PALLD: variants seen among roughly 807,000 people sequenced by gnomAD.
PALLD encodes palladin, cytoskeletal associated protein, also known as palladin.
PALLD carries 61 observed loss-of-function variants against 123.5 expected under a neutral mutation model. The ratio of observed to expected loss-of-function variants is 0.49; its 90% CI spans 0.40 to 0.61. The LOEUF (loss-of-function observed/expected upper bound fraction) is 0.61. Ranked by LOEUF, PALLD falls within the 20% of genes least tolerant of loss-of-function variation. The pLI is 0.00. For synonymous variants in PALLD, 465 were observed against 496.4 expected, an observed-to-expected ratio of 0.94 and a Z score of 0.84; for missense variants, 1,273 against 1,377.0, an observed-to-expected ratio of 0.92 and a Z score of 1.20.
intron 2 of PALLD, among the ~76,000 whole-genome samples, chr4:168,656,502 C>T (rs1486729593): frequency 6.6e-6 from 1 of 152,124 alleles, no homozygotes; most frequent in Non-Finnish European, 1.5e-5. Context: ...GAATGAGTCA[C>T]ATTTGCAAAA....
At chr4:168,877,036 T>C (rs1339687938) in intron 10 of PALLD, among the ~76,000 whole-genome samples, 1 of 152,272 alleles carries the variant, frequency 6.6e-6, no homozygotes, top group Non-Finnish European at 1.5e-5. Context: ...CTATTGTTTA[T>C]TGAACACCTA....
At chr4:168,529,333 T>C (rs1034453876) in intron 2 of PALLD, among the ~76,000 whole-genome samples, 8 of 150,466 alleles carry the variant, frequency 5.3e-5, no homozygotes, top group Non-Finnish European at 1.2e-4. Flanking sequence ...CCAAACTCTG[T>C]CTCGAGAAAA....
At chr4:168,539,417 A>G (rs1382553785) in intron 2 of PALLD, among the ~76,000 whole-genome samples, 2 of 152,008 alleles carry the variant, frequency 1.3e-5, no homozygotes. Context: ...GAGAAACCCC[A>G]TTTCTACTAA....
At chr4:168,758,212 A>G (rs1019900939) in intron 10 of PALLD, among the ~76,000 whole-genome samples, 1 of 151,712 alleles carries the variant, frequency 6.6e-6, no homozygotes, top group African/African-American at 2.4e-5. Context: ...TTTTTTTTTA[A>G]TGTTTAAAAC....
chr4:168,742,045 G>A (rs1365813889), intron 10 of PALLD, among the ~76,000 whole-genome samples: 1 of 152,184 alleles, frequency 6.6e-6, no homozygotes, highest in Non-Finnish European at 1.5e-5. Context: ...GCAAAAGCTG[G>A]CAGATCCACC....
chr4:168,528,426 AT>A (rs906112220), intron 2 of PALLD, among the ~76,000 whole-genome samples: 1 of 152,260 alleles, frequency 6.6e-6, no homozygotes, highest in African/African-American at 2.4e-5. Context: ...TGTAAGTGGA[AT>A]TTTCTCATTC....
intron 10 of PALLD, among the ~76,000 whole-genome samples, chr4:168,831,177 G>C (rs1047898710): frequency 1.3e-5 from 2 of 152,246 alleles, no homozygotes; most frequent in Non-Finnish European, 2.9e-5. Flanking sequence ...TGAAAGAAAA[G>C]TTGGTGATCT....
intron 8 of PALLD, among the ~76,000 whole-genome samples, chr4:168,692,221 A>C (rs1225231249): frequency 6.6e-6 from 1 of 152,182 alleles, no homozygotes; most frequent in Non-Finnish European, 1.5e-5. Flanking sequence ...TACTGCAGTC[A>C]GTCCCTGAAC....
At chr4:168,644,369 G>A (rs959952545) in intron 2 of PALLD, among the ~76,000 whole-genome samples, 6 of 152,144 alleles carry the variant, frequency 3.9e-5, no homozygotes, top group Admixed American at 2.0e-4. Context: ...GATTACAGGC[G>A]TGAGCCACTG....
intron 10 of PALLD, among the ~76,000 whole-genome samples, chr4:168,831,005 A>G (rs368644094): frequency 6.6e-5 from 10 of 152,354 alleles, no homozygotes; most frequent in African/African-American, 2.4e-4. Flanking sequence ...TCATTCATGC[A>G]TTCATTTTGT....
intron 10 of PALLD, among the ~76,000 whole-genome samples, chr4:168,816,131 A>T (rs1741879350): frequency 6.6e-6 from 1 of 152,168 alleles, no homozygotes; most frequent in Admixed American, 6.5e-5. Context: ...ATATGTAAGG[A>T]AACACTGCTC....
At chr4:168,534,588 G>A (rs1176258266) in intron 2 of PALLD, among the ~76,000 whole-genome samples, 1 of 152,138 alleles carries the variant, frequency 6.6e-6, no homozygotes, top group Non-Finnish European at 1.5e-5. Context: ...TATAATAGGG[G>A]AAGTGGTTCC....
At chr4:168,541,815 T>C (rs1211803611) in intron 2 of PALLD, among the ~76,000 whole-genome samples, 1 of 152,136 alleles carries the variant, frequency 6.6e-6, no homozygotes, top group Non-Finnish European at 1.5e-5. Context: ...GATTGCCCAA[T>C]TATATGTTGC....
chr4:168,609,458 T>C (rs1372423302), intron 2 of PALLD, among the ~76,000 whole-genome samples: 1 of 150,056 alleles, frequency 6.7e-6, no homozygotes, highest in Non-Finnish European at 1.5e-5. Context: ...AACCAACAGA[T>C]GAAAGAAAGG....
In PALLD at chr4:168,894,608, T is replaced by A. The variant is rs749041581; in HGVS notation, c.2130T>A (p.Arg710=). ...TAACATACGAAGAAAGAATGGCTCGTCGACTGCTAGGTGCTGACAGTGCAA... is the reference window on the plus strand; with the variant it reads ...TAACATACGAAGAAAGAATGGCTCGACGACTGCTAGGTGCTGACAGTGCAA... ...PRLTYEERMA[R]RLLGADSATV... Residue 710 remains arginine (R), a synonymous_variant, in exon 12 of 22, where the codon CGT becomes CGA. Transcript: ENST00000505667. 1 of 1,613,448 alleles carries A rather than the reference T, an allele frequency of 6.2e-7. No homozygotes were observed. The highest frequency in any genetic ancestry group is 1.3e-5 in the African/African-American group (1 of 74,924).
At chr4:168,629,934 A>T (rs781275192) in intron 2 of PALLD, among the ~76,000 whole-genome samples, 2 of 152,330 alleles carry the variant, frequency 1.3e-5, no homozygotes, top group African/African-American at 4.8e-5. Flanking sequence ...TGTCTAAGAC[A>T]TTTATATATG....
At chr4:168,617,723 C>G (rs1470119455) in intron 2 of PALLD, among the ~76,000 whole-genome samples, 2 of 152,108 alleles carry the variant, frequency 1.3e-5, no homozygotes, top group Non-Finnish European at 2.9e-5. Flanking sequence ...CTTAGAAAAC[C>G]AACCATACAA....
chr4:168,825,570 T>C (rs1286436640), intron 10 of PALLD, among the ~76,000 whole-genome samples: 1 of 152,226 alleles, frequency 6.6e-6, no homozygotes, highest in Non-Finnish European at 1.5e-5. Context: ...GTTTCAGAGA[T>C]GACAGGTTAA....
intron 10 of PALLD, among the ~76,000 whole-genome samples, chr4:168,738,957 A>G (rs933823547): frequency 5.9e-5 from 9 of 152,226 alleles, no homozygotes; most frequent in African/African-American, 2.2e-4. Flanking sequence ...GCAGGTATCT[A>G]TCATTCTGCT....
Sources: allele counts gnomAD v4.1 joint callset (sites outside exome capture counted in the v4.1 genomes callset), GRCh38; gene constraint gnomAD v4.1.1; transcripts MANE v1.5; gene names NCBI Gene and HGNC (gene_info 2026-07-23, HGNC 2026-07-21).